The following OVCH1 variants were observed in gnomAD, a reference collection of about 807,000 sequenced individuals.
The protein encoded by OVCH1 is ovochymase 1.
A neutral mutation model predicts 138.4 loss-of-function variants in OVCH1; 139 were observed. The ratio of observed to expected loss-of-function variants is 1.00; its 90% CI spans 0.87 to 1.16. The LOEUF (loss-of-function observed/expected upper bound fraction) is 1.16, where lower values mean the gene tolerates loss of function less well. OVCH1 is among the 50% of genes most tolerant of loss of function. The probability of loss-of-function intolerance (pLI) is 0.00; values close to 1 mark genes in which losing one functional copy is unlikely to be tolerated. For synonymous variants in OVCH1, 453 were observed against 467.8 expected (o/e 0.97, Z 0.41); for missense variants, 1,367 against 1,357.9 (o/e 1.01, Z -0.11).
chr12:29,491,006 A>G (rs958958737), intron 5 of OVCH1, 91 bp downstream of exon 5: 1 of 1,000,986 alleles, frequency 1.0e-6, no homozygotes, highest in African/African-American at 1.6e-5. Flanking sequence ...AAAATGATAA[A>G]TGTACTACTC....
intron 27 of OVCH1, among the ~76,000 whole-genome samples, chr12:29,427,876 G>A (rs951058721): frequency 1.9e-4 from 29 of 152,248 alleles, no homozygotes; most frequent in South Asian, 1.7e-3. Flanking sequence ...AATTACACAG[G>A]CTCATTACAG....
intron 14 of OVCH1, among the ~76,000 whole-genome samples, chr12:29,474,104 C>CACACAT (rs1413481141): frequency 1.4e-5 from 2 of 142,636 alleles, no homozygotes; most frequent in Non-Finnish European, 3.0e-5. Context: ...CACACACACA[C>CACACAT]ATATATATAT....
chr12:29,432,944 G>A (rs1941294964), intron 27 of OVCH1, among the ~76,000 whole-genome samples: 1 of 152,032 alleles, frequency 6.6e-6, no homozygotes, highest in South Asian at 2.1e-4. Context: ...CAAGAACAGT[G>A]TCCATGAAAT....
In OVCH1 at chr12:29,444,699, G is replaced by A. The variant is rs573039525; in HGVS notation, c.2882-419C>T. ...AACATATTCTCAGCAATGCTTTTAG[G>A]TGCCAAGGGGGGAAACTAGCTTTCA... On this transcript the variant is annotated intron_variant, in intron 23 of 27. Transcript: ENST00000318184. Among the ~76,000 whole-genome samples the A allele has an allele frequency of 3.9e-5, 6 of 151,912 alleles. No homozygotes were observed. In the East Asian group the frequency reaches 9.7e-4, roughly 25 times the overall value.
intron 9 of OVCH1, among the ~76,000 whole-genome samples, chr12:29,478,569 C>G (rs1352318640): frequency 6.6e-6 from 1 of 152,106 alleles, no homozygotes; most frequent in Admixed American, 6.6e-5. Context: ...ATCACTGTCT[C>G]CACTCTTACT....
intron 3 of OVCH1, among the ~76,000 whole-genome samples, chr12:29,420,444 T>A (rs1208857587): frequency 6.6e-6 from 1 of 151,764 alleles, no homozygotes; most frequent in Non-Finnish European, 1.5e-5. Context: ...GCAGCATTGT[T>A]AGTCACTTAT....
chr12:29,472,831 C>T (rs1592086676), intron 15 of OVCH1, among the ~76,000 whole-genome samples, 198 bp downstream of exon 15: 1 of 152,166 alleles, frequency 6.6e-6, no homozygotes, highest in African/African-American at 2.4e-5. Flanking sequence ...TAACCTAAAG[C>T]TCATTTGTTC....
intron 8 of OVCH1, among the ~76,000 whole-genome samples, chr12:29,482,404 A>C (rs1469578458): frequency 1.3e-5 from 2 of 152,000 alleles, no homozygotes; most frequent in Non-Finnish European, 2.9e-5. Context: ...CTGATATTGT[A>C]TACTTTCATT....
chr12:29,417,925 G>T (rs972699326), intron 3 of OVCH1, among the ~76,000 whole-genome samples: 1 of 152,166 alleles, frequency 6.6e-6, no homozygotes, highest in Non-Finnish European at 1.5e-5. Context: ...ATGATTAATG[G>T]TTTGCAGGAT....
At chr12:29,423,968 G>A (rs371592754), downstream of OVCH1, among the ~76,000 whole-genome samples, 6 of 152,098 alleles carry the variant, frequency 3.9e-5, no homozygotes, top group Admixed American at 1.3e-4. Context: ...GGAAAATGCC[G>A]AGACCAGCTC....
In OVCH1 at chr12:29,466,319, G is replaced by C. The variant is rs545929649; in HGVS notation, c.1857-1100C>G. ...TTAATACTGTATTTATCTCAGTACT[G>C]TATTTATCAATATCTTAAATTTGTT... On this transcript the variant is annotated intron_variant, in intron 16 of 27. Transcript: ENST00000318184. Among the ~76,000 whole-genome samples, 14 of 152,072 alleles carry C rather than the reference G, an allele frequency of 9.2e-5. No individual in the cohort carries two copies. In the East Asian group the frequency reaches 2.3e-3, roughly 25 times the overall value.
chr12:29,483,740 T>G (rs1943008296), intron 8 of OVCH1, among the ~76,000 whole-genome samples: 1 of 152,180 alleles, frequency 6.6e-6, no homozygotes, highest in Non-Finnish European at 1.5e-5. Context: ...GAATGACCTC[T>G]TCCTGCCTCT....
chr12:29,439,547 C>T, intron 25 of OVCH1: 3 of 1,275,950 alleles, frequency 2.4e-6, no homozygotes, highest in Non-Finnish European at 3.0e-6. Flanking sequence ...TCTACTACAA[C>T]TACTGCTACT....
At chr12:29,414,412 T>G (rs7978770) in intron 3 of OVCH1, among the ~76,000 whole-genome samples, 85,716 of 152,060 alleles carry the variant, frequency 0.56, 26,221 homozygotes, top group Middle Eastern at 0.78. Context: ...GTATCACAAT[T>G]GATTAAATCC....
At chr12:29,472,003 A>AT (rs747187778) in intron 15 of OVCH1, 21 bp from the exon 16 acceptor site, 2 of 1,592,308 alleles carry the variant, frequency 1.3e-6, no homozygotes, top group South Asian at 2.3e-5. Flanking sequence ...GATGAAACCA[A>AT]TGACCCATAA....
chr12:29,485,964 A>AAAT (rs1474432695), intron 8 of OVCH1, among the ~76,000 whole-genome samples: 1 of 98,806 alleles, frequency 1.0e-5, no homozygotes, highest in Non-Finnish European at 2.1e-5. Flanking sequence ...AAAATAAAAT[A>AAAT]AAATAAAATA....
At chr12:29,413,888 C>T (rs966871731) in intron 3 of OVCH1, among the ~76,000 whole-genome samples, 1 of 151,952 alleles carries the variant, frequency 6.6e-6, no homozygotes, top group African/African-American at 2.4e-5. Flanking sequence ...AAATCTTTTA[C>T]GTTATGCTGC....
chr12:29,437,028 TAC>T (rs772297581), intron 26 of OVCH1, among the ~76,000 whole-genome samples: 2 of 152,152 alleles, frequency 1.3e-5, no homozygotes, highest in Non-Finnish European at 2.9e-5. Flanking sequence ...GGTCCGTTTT[TAC>T]AGAGTGCTGA....
At chr12:29,422,083 A>G (rs908301584) in intron 3 of OVCH1, among the ~76,000 whole-genome samples, 1 of 152,204 alleles carries the variant, frequency 6.6e-6, no homozygotes, top group African/African-American at 2.4e-5. Context: ...TTTTCACTGC[A>G]TTAAGGTTTA....
Sources: gnomAD v4.1 joint callset for allele counts (sites outside exome capture counted in the v4.1 genomes callset) on GRCh38, gnomAD v4.1.1 for gene constraint, MANE v1.5 for transcripts, NCBI Gene and HGNC (gene_info 2026-07-23, HGNC 2026-07-21) for gene names.